Variants in DNMT3B observed in about 807,000 individuals in gnomAD.
DNMT3B encodes DNA (cytosine-5)-methyltransferase 3B.
DNMT3B carries 37 observed loss-of-function variants against 120.2 expected under a neutral mutation model. The observed-to-expected ratio is 0.31, with a 90% CI of 0.24 to 0.40. The LOEUF (loss-of-function observed/expected upper bound fraction) is 0.40, where lower values mean the gene tolerates loss of function less well. Among genes scored for constraint, DNMT3B ranks in the 10% least tolerant of loss-of-function variants. The probability of loss-of-function intolerance (pLI) is 1.00; values close to 1 mark genes in which losing one functional copy is unlikely to be tolerated. For missense variants in DNMT3B, 878 were observed against 1,137.3 expected (o/e 0.77, Z 3.28); for synonymous variants, 412 against 442.8 (o/e 0.93, Z 0.87).
At chr20:32,788,778 G>T in intron 6 of DNMT3B, 76 bp from the exon 7 acceptor site, 2 of 1,589,764 alleles carry the variant, frequency 1.3e-6, no homozygotes, top group South Asian at 1.1e-5. Context: ...TTGCCCTCAG[G>T]GACAGTGGAG....
intron 1 of DNMT3B, among the ~76,000 whole-genome samples, chr20:32,777,342 G>T (rs1988116143): frequency 6.6e-6 from 1 of 152,120 alleles, no homozygotes; most frequent in African/African-American, 2.4e-5. Flanking sequence ...CTGGGGGAAG[G>T]CCCAGGGTGG....
rs536641010 is a variant in DNMT3B, at chr20:32,807,800, A to G, written c.2459A>G (p.Asn820Ser). The change falls in exon 23 of 23, where the codon AAC (asparagine) becomes AGC (serine). Residue 820 changes from asparagine (N) to serine (S), a missense_variant. Transcript: ENST00000328111. ...CCTGTGCACTACACAGACGTGTCCAACATGGGCCGTGGTGCCCGCCAGAAG... is the reference window on the plus strand; with the variant it reads ...CCTGTGCACTACACAGACGTGTCCAGCATGGGCCGTGGTGCCCGCCAGAAG... ...GFPVHYTDVSNMGRGARQKLL... is the reference protein window; with the variant it reads ...GFPVHYTDVSSMGRGARQKLL... The G allele has an allele frequency of 1.7e-5, 27 of 1,614,174 alleles. No individual in the cohort carries two copies. The highest frequency in any genetic ancestry group is 2.2e-5 in the South Asian group (2 of 91,084).
chr20:32,773,853 T>C (rs1555833823), intron 1 of DNMT3B, among the ~76,000 whole-genome samples: 1 of 150,706 alleles, frequency 6.6e-6, no homozygotes, highest in Non-Finnish European at 1.5e-5. Flanking sequence ...CAGGCTGGCG[T>C]TGAACTCCTG....
intron 1 of DNMT3B, among the ~76,000 whole-genome samples, chr20:32,771,263 G>A (rs1039366818): frequency 6.6e-6 from 1 of 152,138 alleles, no homozygotes; most frequent in African/African-American, 2.4e-5. Context: ...AAGAGAACAG[G>A]AAATGAGAGA....
chr20:32,781,264 C>A (rs746722947), intron 2 of DNMT3B, 89 bp from the exon 3 acceptor site: 1 of 1,389,356 alleles, frequency 7.2e-7, no homozygotes, highest in Admixed American at 1.7e-5. Flanking sequence ...TCCCAGGCCA[C>A]GCCACGGAGA....
intron 16 of DNMT3B, 86 bp from the exon 17 acceptor site, chr20:32,800,067 T>C (rs1167388368): frequency 1.1e-5 from 18 of 1,581,176 alleles, no homozygotes; most frequent in Non-Finnish European, 1.4e-5. Flanking sequence ...GAGGAACTGT[T>C]CATTTTACCA....
intron 1 of DNMT3B, among the ~76,000 whole-genome samples, chr20:32,765,422 C>CTTTTTT (rs201623266): frequency 8.2e-6 from 1 of 121,322 alleles, no homozygotes; most frequent in Non-Finnish European, 1.6e-5. Flanking sequence ...CTCTTTTTTT[C>CTTTTTT]TTTCTTTTTT....
At chr20:32,790,622 A>C (rs1444547707) in intron 7 of DNMT3B, among the ~76,000 whole-genome samples, 1 of 152,096 alleles carries the variant, frequency 6.6e-6, no homozygotes, top group Middle Eastern at 3.2e-3. Context: ...GGAGGTTTGC[A>C]TGAGTGTGAG....
chr20:32,771,428 G>T (rs1987729220), intron 1 of DNMT3B, among the ~76,000 whole-genome samples: 1 of 152,104 alleles, frequency 6.6e-6, no homozygotes, highest in Non-Finnish European at 1.5e-5. Context: ...ATCGCCTGAG[G>T]TCAGGAGTTC....
intron 1 of DNMT3B, among the ~76,000 whole-genome samples, chr20:32,779,350 TG>T (rs1211732168): frequency 6.6e-6 from 1 of 152,234 alleles, no homozygotes; most frequent in Non-Finnish European, 1.5e-5. Context: ...TATATGACCT[TG>T]GAGAATAACC....
In DNMT3B at chr20:32,808,648, CCCTCTG is replaced by C. The variant is rs1982215213; in HGVS notation, c.*746_*751del. On this transcript the variant is annotated 3_prime_UTR_variant, in exon 23 of 23. Transcript: ENST00000328111. Reference sequence around the variant, plus strand: ...ATCCCTCCCCGTGACTGCAATAGAACCCTCTGGGGAGCTCAGGAAGGGGTGTGCTGA... The same window carrying C: ...ATCCCTCCCCGTGACTGCAATAGAACGGGAGCTCAGGAAGGGGTGTGCTGA... 1 of 230,622 alleles carries C rather than the reference CCCTCTG, an allele frequency of 4.3e-6. No homozygotes were observed. The highest frequency in any genetic ancestry group is 8.6e-6 in the Non-Finnish European group (1 of 116,384). The allele number at this position is 230,622 out of a possible 1,614,324, so 14.3% of individuals were successfully genotyped here. A position where few individuals can be genotyped will look rare whatever the true frequency, so the allele number is the denominator to read the frequency against.
chr20:32,801,457 G>A, intron 19 of DNMT3B, 31 bp downstream of exon 19: 1 of 1,613,362 alleles, frequency 6.2e-7, no homozygotes, highest in African/African-American at 1.3e-5. Flanking sequence ...GATTGTCACA[G>A]ACAGCCAGGG....
intron 1 of DNMT3B, among the ~76,000 whole-genome samples, chr20:32,771,514 G>A (rs1987739238): frequency 6.6e-6 from 1 of 151,874 alleles, no homozygotes; most frequent in African/African-American, 2.4e-5. Flanking sequence ...GGTGGCATGT[G>A]CCTGTAATCC....
At chr20:32,774,056 G>C (rs1355722279) in intron 1 of DNMT3B, among the ~76,000 whole-genome samples, 1 of 145,682 alleles carries the variant, frequency 6.9e-6, no homozygotes, top group East Asian at 2.1e-4. Flanking sequence ...GTTCTGTCAT[G>C]TGTTCTGCTG....
Position 32,786,560 on chromosome 20 carries a change from G to C in DNMT3B, c.365G>C (p.Arg122Pro), listed in dbSNP as rs757657111. The change falls in exon 5 of 23, where the codon CGT becomes CCT. Residue 122 changes from arginine (R) to proline (P), a missense_variant. Transcript: ENST00000328111. ...SSRERHRPSP[R>P]STRGRQGRNH... ...CGGGAGAGGCACAGGCCTTCCCCAC[G>C]TTCCACCCGAGGCCGGCAGGGCCGC... 1 of 1,613,830 alleles carries C rather than the reference G, an allele frequency of 6.2e-7. No homozygotes were observed. Among genetic ancestry groups the C allele is most frequent in the Non-Finnish European group, 8.5e-7 (1 of 1,180,040 alleles).
chr20:32,796,741 G>C (rs1471941228), intron 12 of DNMT3B, 49 bp from the exon 13 acceptor site: 1 of 1,601,342 alleles, frequency 6.2e-7, no homozygotes, highest in Non-Finnish European at 8.6e-7. Flanking sequence ...TTTAGCAGCT[G>C]GTGTCAGGGC....
intron 14 of DNMT3B, 133 bp downstream of exon 14, chr20:32,797,432 C>G: frequency 1.2e-6 from 1 of 808,596 alleles, no homozygotes; most frequent in South Asian, 1.7e-5. Flanking sequence ...CTGGAAGCAG[C>G]ACACAGGGTT....
At chr20:32,788,800 T>C in intron 6 of DNMT3B, 54 bp from the exon 7 acceptor site, 1 of 1,612,054 alleles carries the variant, frequency 6.2e-7, no homozygotes, top group Admixed American at 1.7e-5. Flanking sequence ...GGACAGGACT[T>C]GGCCCAGGAT....
Position 32,762,542 on chromosome 20 carries a change from C to T in DNMT3B, c.-164C>T. ...GCGGGCGGCAACGCTGCCCGGCCGG[C>T]AGCGCTGGGGTTAAGTGGCCCAAGT... On this transcript the variant is annotated 5_prime_UTR_variant, in exon 1 of 23. Coordinates refer to ENST00000328111, the MANE Select transcript of DNMT3B (RefSeq NM_006892.4). 3.0e-6 allele frequency: 1 copy of T among 338,592 alleles called. No homozygotes were observed. Among genetic ancestry groups the T allele is most frequent in the Non-Finnish European group, 6.1e-6 (1 of 164,396 alleles). The allele number at this position is 338,592 out of a possible 1,614,324, so 21.0% of individuals were successfully genotyped here.
Sources: gnomAD v4.1 joint callset for allele counts (sites outside exome capture counted in the v4.1 genomes callset) on GRCh38, gnomAD v4.1.1 for gene constraint, MANE v1.5 for transcripts, NCBI Gene and HGNC (gene_info 2026-07-23, HGNC 2026-07-21) for gene names.